IGBP1C: variants seen among roughly 807,000 people sequenced by gnomAD.
IGBP1C encodes the protein IGBP1 family member C, also known as immunoglobulin-binding protein 1 family member C.
chr17:58,669,380 G>A, the IGBP1C span, among the ~76,000 whole-genome samples: 1 of 151,484 alleles, frequency 6.6e-6, no homozygotes, highest in Non-Finnish European at 1.5e-5. Flanking sequence ...AAACAGGAGG[G>A]GGTGTGGAGA....
At chr17:58,660,675 C>T in the IGBP1C span, 6 of 783,266 alleles carry the variant, frequency 7.7e-6, no homozygotes, top group Middle Eastern at 2.3e-4. Context: ...TCATCCTCTT[C>T]CTCCTTTTCT....
the IGBP1C span, among the ~76,000 whole-genome samples, chr17:58,685,201 AGGTG>A: frequency 6.6e-6 from 1 of 152,050 alleles, no homozygotes; most frequent in African/African-American, 2.4e-5. Flanking sequence ...TGGGAGGCCG[AGGTG>A]GGTGGATCAC....
chr17:58,661,803 CA>C, the IGBP1C span: 1 of 491,374 alleles, frequency 2.0e-6, no homozygotes, highest in Non-Finnish European at 3.6e-6. Context: ...GGGTCTTCGT[CA>C]AACTTTGTCT....
the IGBP1C span, among the ~76,000 whole-genome samples, chr17:58,672,609 T>C: frequency 3.3e-5 from 5 of 152,110 alleles, no homozygotes; most frequent in African/African-American, 1.2e-4. Flanking sequence ...AATGTTTTTT[T>C]ATTTTTTGTA....
chr17:58,662,413 T>TCACACA, the IGBP1C span, among the ~76,000 whole-genome samples: 323 of 127,738 alleles, frequency 2.5e-3, 3 homozygotes, highest in Admixed American at 4.3e-3. Context: ...AGCACACATA[T>TCACACA]CTCACACACA....
chr17:58,679,144 A>T, the IGBP1C span, among the ~76,000 whole-genome samples: 123 of 152,242 alleles, frequency 8.1e-4, no homozygotes, highest in African/African-American at 2.9e-3. Flanking sequence ...ACAAGAGCGA[A>T]ACGCCGTCTC....
At chr17:58,683,047 T>C in the IGBP1C span, among the ~76,000 whole-genome samples, 320 of 131,058 alleles carry the variant, frequency 2.4e-3, no homozygotes, top group African/African-American at 9.0e-3. Context: ...TGCGAGAGTC[T>C]GTCTCAAAAA....
At chr17:58,664,081 A>G in the IGBP1C span, among the ~76,000 whole-genome samples, 14 of 152,160 alleles carry the variant, frequency 9.2e-5, no homozygotes, top group African/African-American at 3.4e-4. Flanking sequence ...CCAACTCCAC[A>G]CTATTTAGTA....
chr17:58,663,399 G>A, the IGBP1C span, among the ~76,000 whole-genome samples: 1 of 143,394 alleles, frequency 7.0e-6, no homozygotes, highest in African/African-American at 2.6e-5. Flanking sequence ...TCCAGCCTGG[G>A]CAACAAGAGC....
the IGBP1C span, among the ~76,000 whole-genome samples, chr17:58,676,432 C>T: frequency 2.1e-4 from 32 of 150,604 alleles, no homozygotes; most frequent in East Asian, 5.3e-3. Context: ...TGGTGGCAGG[C>T]GTCTGTAATC....
chr17:58,664,156 G>A, the IGBP1C span, among the ~76,000 whole-genome samples: 2 of 152,166 alleles, frequency 1.3e-5, no homozygotes, highest in African/African-American at 2.4e-5. Context: ...AGCCCACCTC[G>A]GTTATACTAT....
At chr17:58,666,822 T>C in the IGBP1C span, 1 of 152,236 alleles carries the variant, frequency 6.6e-6, no homozygotes, top group Admixed American at 6.5e-5. Context: ...AGATTTTTTA[T>C]ACTATATCTT....
At chr17:58,684,264 C>G in the IGBP1C span, among the ~76,000 whole-genome samples, 1 of 151,358 alleles carries the variant, frequency 6.6e-6, no homozygotes, top group Non-Finnish European at 1.5e-5. Flanking sequence ...GAGCATGAGA[C>G]CAGCCTGACC....
At chr17:58,662,415 T>TCACACACACACACACA in the IGBP1C span, among the ~76,000 whole-genome samples, 8 of 114,888 alleles carry the variant, frequency 7.0e-5, no homozygotes, top group African/African-American at 2.2e-4. Context: ...CACACATATC[T>TCACACACACACACACA]CACACACACA....
the IGBP1C span, among the ~76,000 whole-genome samples, chr17:58,674,914 G>T: frequency 2.0e-5 from 3 of 151,536 alleles, no homozygotes; most frequent in Non-Finnish European, 4.4e-5. Flanking sequence ...GGAGGCTGAG[G>T]GGGGGTGCAT....
At chr17:58,667,027 T>C in the IGBP1C span, among the ~76,000 whole-genome samples, 6 of 152,242 alleles carry the variant, frequency 3.9e-5, no homozygotes, top group African/African-American at 1.2e-4. Context: ...AAGTGACGTC[T>C]GTCAGGCCAT....
At chr17:58,687,522 G>C in the IGBP1C span, among the ~76,000 whole-genome samples, 3 of 152,118 alleles carry the variant, frequency 2.0e-5, no homozygotes, top group East Asian at 5.8e-4. Context: ...TTTTAATAGA[G>C]ACAGGGTTTC....
At chr17:58,665,783 C>T in the IGBP1C span, among the ~76,000 whole-genome samples, 10 of 151,148 alleles carry the variant, frequency 6.6e-5, no homozygotes, top group Non-Finnish European at 1.5e-4. Context: ...CGGTGGCTCA[C>T]GCCTATAATC....
the IGBP1C span, among the ~76,000 whole-genome samples, chr17:58,673,938 A>T: frequency 6.6e-6 from 1 of 152,124 alleles, no homozygotes; most frequent in Non-Finnish European, 1.5e-5. Flanking sequence ...TTTTCTACAA[A>T]CATCTTCAAG....
Sources: allele counts gnomAD v4.1 joint callset (sites outside exome capture counted in the v4.1 genomes callset), GRCh38; gene constraint gnomAD v4.1.1; transcripts MANE v1.5; gene names NCBI Gene and HGNC (gene_info 2026-07-23, HGNC 2026-07-21).